Variants in AIG1 observed in about 807,000 individuals in gnomAD.
AIG1 encodes androgen induced 1.
AIG1 carries 23 observed loss-of-function variants against 31.4 expected under a neutral mutation model. The ratio of observed to expected loss-of-function variants is 0.73; its 90% CI spans 0.53 to 1.04. The LOEUF (loss-of-function observed/expected upper bound fraction) is 1.04. AIG1 is among the 50% of genes least tolerant of loss of function. The pLI is 0.00. For synonymous variants in AIG1, 100 were observed against 110.5 expected (o/e 0.90, Z 0.60); for missense variants, 274 against 295.0 (o/e 0.93, Z 0.52).
intron 2 of AIG1, among the ~76,000 whole-genome samples, chr6:143,149,388 G>C (rs538209841): frequency 6.6e-6 from 1 of 151,828 alleles, no homozygotes; most frequent in East Asian, 1.9e-4. Flanking sequence ...TTAGCCAGGC[G>C]TGGTGGCGGG....
chr6:143,265,974 G>A (rs879396031), intron 3 of AIG1, among the ~76,000 whole-genome samples: 14 of 152,152 alleles, frequency 9.2e-5, no homozygotes, highest in Non-Finnish European at 1.8e-4. Flanking sequence ...TCATTCAGTG[G>A]CATTTCTCTT....
Position 143,330,519 on chromosome 6 carries a change from G to T in AIG1, c.516-2763G>T, listed in dbSNP as rs1474197044. 6.6e-6 allele frequency among the ~76,000 whole-genome samples: 1 copy of T among 152,038 alleles called. No homozygotes were observed. Among genetic ancestry groups the T allele is most frequent in the African/African-American group, 2.4e-5 (1 of 41,330 alleles). ...AAGGAGTTGATGGGCTGGAGTGGCG[G>T]GGAACGATGGGGAGAATAACAGGAG... is the stretch of plus-strand genomic sequence containing the variant. On this transcript the variant is annotated intron_variant, in intron 4 of 5. Coordinates refer to ENST00000357847, the MANE Select transcript of AIG1 (RefSeq NM_016108.4). This position sits in a 1 kb window ranked among gnomAD's most constrained non-coding sequence, Gnocchi z 4.4.
At chr6:143,323,700 T>C (rs1776398941) in intron 4 of AIG1, among the ~76,000 whole-genome samples, 1 of 152,148 alleles carries the variant, frequency 6.6e-6, no homozygotes, top group Non-Finnish European at 1.5e-5. Flanking sequence ...TCAGGAATCT[T>C]GGCAGACCCC....
chr6:143,187,430 C>G, intron 3 of AIG1: 1 of 1,535,554 alleles, frequency 6.5e-7, no homozygotes, highest in Non-Finnish European at 8.7e-7. Flanking sequence ...TTACACAGAA[C>G]TACAGTATGA....
intron 3 of AIG1, among the ~76,000 whole-genome samples, chr6:143,248,107 T>A (rs1794744748): frequency 1.3e-5 from 2 of 152,212 alleles, no homozygotes; most frequent in South Asian, 4.2e-4. Context: ...CTATTGAGAG[T>A]CAATGGAGTT....
chr6:143,102,154 A>G (rs1395485361), intron 1 of AIG1, among the ~76,000 whole-genome samples: 1 of 152,094 alleles, frequency 6.6e-6, no homozygotes, highest in Non-Finnish European at 1.5e-5. Flanking sequence ...AGCTTGCTTT[A>G]TGACATATTA....
chr6:143,272,998 C>G (rs544724661), intron 3 of AIG1, among the ~76,000 whole-genome samples: 4 of 152,198 alleles, frequency 2.6e-5, no homozygotes, highest in Middle Eastern at 3.4e-3. Flanking sequence ...GCATCGTGAT[C>G]GGCACCTGTT....
chr6:143,243,881 A>G (rs948054048), intron 3 of AIG1, among the ~76,000 whole-genome samples: 40 of 152,192 alleles, frequency 2.6e-4, no homozygotes, highest in Non-Finnish European at 2.1e-4. Context: ...CCTGCTGCCA[A>G]TACAGACATA....
intron 1 of AIG1, among the ~76,000 whole-genome samples, chr6:143,090,425 G>A (rs1310432705): frequency 1.3e-5 from 2 of 152,176 alleles, no homozygotes; most frequent in Non-Finnish European, 2.9e-5. Flanking sequence ...TAGTCGATCT[G>A]TTTTCAGGAT....
chr6:143,145,358 A>G (rs6936376), intron 2 of AIG1, among the ~76,000 whole-genome samples: 1 of 152,138 alleles, frequency 6.6e-6, no homozygotes, highest in African/African-American at 2.4e-5. Flanking sequence ...ATTTTCTATT[A>G]TCCACGTCTG....
At position 143,101,831 on chromosome 6, in the gene AIG1, A is replaced by T. The variant is rs193106840; in HGVS notation, c.142-35004A>T. On this transcript the variant is annotated intron_variant, in intron 1 of 5. Coordinates refer to ENST00000357847, the MANE Select transcript of AIG1 (RefSeq NM_016108.4). The stretch of plus-strand genomic sequence containing the variant: ...AATAAGAAATTAATAATAATAATAA[A>T]AACTTCTACTCTAAAAAACAAGAAA... 5.6e-3 allele frequency among the ~76,000 whole-genome samples: 852 copies of T among 152,226 alleles called. 10 individuals are homozygous for T. Among genetic ancestry groups the T allele is most frequent in the African/African-American group, 0.017 (711 of 41,542 alleles).
In AIG1 at chr6:143,280,558, C is replaced by A. The variant is rs560756718; in HGVS notation, c.400-3552C>A. 2.0e-5 allele frequency among the ~76,000 whole-genome samples: 3 copies of A among 152,162 alleles called. No homozygotes were observed. Among genetic ancestry groups the A allele is most frequent in the Non-Finnish European group, 4.4e-5 (3 of 68,028 alleles). On this transcript the variant is annotated intron_variant, in intron 3 of 5. Coordinates refer to ENST00000357847, the MANE Select transcript of AIG1 (RefSeq NM_016108.4). This position sits in a 1 kb window ranked among gnomAD's most constrained non-coding sequence, Gnocchi z 4.1. The stretch of plus-strand genomic sequence containing the variant: ...ATGCAGCCGTAAAAAAGAGTGAGAT[C>A]ACGTCTTTTGCAGGAGCATGGATGG...
intron 3 of AIG1, among the ~76,000 whole-genome samples, chr6:143,194,266 T>A (rs1790035292): frequency 6.6e-6 from 1 of 152,120 alleles, no homozygotes; most frequent in Non-Finnish European, 1.5e-5. Flanking sequence ...AGAGCAAGCA[T>A]GTGAAGGAAG....
At chr6:143,211,056 G>T (rs1791550334) in intron 3 of AIG1, among the ~76,000 whole-genome samples, 1 of 152,140 alleles carries the variant, frequency 6.6e-6, no homozygotes, top group African/African-American at 2.4e-5. Flanking sequence ...TAAGCATTTT[G>T]CACATATTAA....
At chr6:143,275,433 A>T (rs1796825211) in intron 3 of AIG1, among the ~76,000 whole-genome samples, 1 of 152,134 alleles carries the variant, frequency 6.6e-6, no homozygotes, top group Admixed American at 6.5e-5. Flanking sequence ...GTCTGAACCT[A>T]TAGAGGAACG....
chr6:143,315,398 C>T (rs1186086762), intron 4 of AIG1, among the ~76,000 whole-genome samples: 1 of 152,008 alleles, frequency 6.6e-6, no homozygotes, highest in Non-Finnish European at 1.5e-5. Context: ...AGTAGGAGGA[C>T]CGGCACTACC....
Position 143,257,458 on chromosome 6 carries a change from T to G in AIG1, c.400-26652T>G, listed in dbSNP as rs761298276. Among the ~76,000 whole-genome samples the G allele has an allele frequency of 3.3e-4, 50 of 152,338 alleles. 2 individuals carry two copies. In the Middle Eastern group the frequency reaches 0.014, roughly 41 times the overall value. ...AGTACAAATAAACGCTTGTGAATCTTTAGGATTTTCAGTGGAAATACACAG... is the reference window on the plus strand; with the variant it reads ...AGTACAAATAAACGCTTGTGAATCTGTAGGATTTTCAGTGGAAATACACAG... On this transcript the variant is annotated intron_variant, in intron 3 of 5. Coordinates refer to ENST00000357847, the MANE Select transcript of AIG1 (RefSeq NM_016108.4).
chr6:143,145,345 T>C (rs1410636130), intron 2 of AIG1, among the ~76,000 whole-genome samples: 1 of 152,224 alleles, frequency 6.6e-6, no homozygotes, highest in Non-Finnish European at 1.5e-5. Flanking sequence ...TTGAGACTTG[T>C]ACATTTTCTA....
At chr6:143,139,716 A>G (rs1784094719) in intron 2 of AIG1, among the ~76,000 whole-genome samples, 1 of 151,976 alleles carries the variant, frequency 6.6e-6, no homozygotes, top group African/African-American at 2.4e-5. Flanking sequence ...CTCTGTTTTA[A>G]GAAGAATCTA....
Sources: gnomAD v4.1 joint callset for allele counts (sites outside exome capture counted in the v4.1 genomes callset) on GRCh38, gnomAD v4.1.1 for gene constraint, Gnocchi (gnomAD v3.1) non-coding constraint, MANE v1.5 for transcripts, NCBI Gene and HGNC (gene_info 2026-07-23, HGNC 2026-07-21) for gene names.